The following BAIAP2 variants were observed in gnomAD, a reference collection of about 807,000 sequenced individuals.
BAIAP2 encodes the protein BAR/IMD domain-containing adapter protein 2.
A neutral mutation model predicts 63.0 loss-of-function variants in BAIAP2; 18 were observed. The ratio of observed to expected loss-of-function variants is 0.29; its 90% confidence interval spans 0.20 to 0.42. BAIAP2 has a LOEUF of 0.42. Among genes scored for constraint, BAIAP2 ranks in the 10% least tolerant of loss-of-function variants. BAIAP2 has a pLI of 1.00. For synonymous variants in BAIAP2, 386 were observed against 307.6 expected, an observed-to-expected ratio of 1.25 and a Z score of -2.67; for missense variants, 610 against 734.3, an observed-to-expected ratio of 0.83 and a Z score of 1.96.
intron 3 of BAIAP2, among the ~76,000 whole-genome samples, chr17:81,072,294 G>A (rs1181068873): frequency 6.6e-6 from 1 of 152,216 alleles, no homozygotes; most frequent in Non-Finnish European, 1.5e-5. Context: ...ATTCCCTCCG[G>A]CTTCCTGCTC....
rs766616366 is a variant in BAIAP2, at chr17:81,108,467, GC to G, written c.1501-3del. ...CCCGGCCTGACATGTTTCTGCCTCT[GC>G]CCCCAGGGCCTGGATGACTATGGAG... is the stretch of plus-strand genomic sequence containing the variant. On this transcript the variant is annotated splice_polypyrimidine_tract_variant and splice_region_variant and intron_variant, in intron 12 of 13. Coordinates refer to ENST00000428708, the MANE Select transcript of BAIAP2 (RefSeq NM_001144888.2). The G allele has an allele frequency of 6.2e-7, 1 of 1,613,782 alleles. No homozygotes were observed. Among genetic ancestry groups the G allele is most frequent in the South Asian group, 1.1e-5 (1 of 91,090 alleles).
At chr17:81,074,126 G>A (rs2053202736) in intron 3 of BAIAP2, among the ~76,000 whole-genome samples, 1 of 152,258 alleles carries the variant, frequency 6.6e-6, no homozygotes, top group African/African-American at 2.4e-5. Flanking sequence ...GGATGCGTCT[G>A]TGGTAACCTT....
At chr17:81,106,613 C>G (rs2059213603) in intron 11 of BAIAP2, 132 bp from the exon 12 acceptor site, 1 of 1,070,622 alleles carries the variant, frequency 9.3e-7, no homozygotes, top group African/African-American at 1.6e-5. Flanking sequence ...AGGGCTGCCG[C>G]CTTGGCCTGA....
intron 6 of BAIAP2, among the ~76,000 whole-genome samples, chr17:81,091,372 C>T (rs1410376451): frequency 4.6e-5 from 7 of 152,114 alleles, no homozygotes; most frequent in South Asian, 4.1e-4. Context: ...ATTCCTAAAG[C>T]GGTTGGTTGC....
intron 3 of BAIAP2, among the ~76,000 whole-genome samples, chr17:81,066,938 G>T (rs1041387903): frequency 1.3e-5 from 2 of 152,224 alleles, no homozygotes; most frequent in Non-Finnish European, 2.9e-5. Flanking sequence ...GCAGGGCCTT[G>T]CCTTGTAGGC....
intron 1 of BAIAP2, among the ~76,000 whole-genome samples, chr17:81,036,369 T>C (rs1289963198): frequency 2.6e-5 from 4 of 152,146 alleles, no homozygotes; most frequent in African/African-American, 4.8e-5. Context: ...CAGTCGCTGG[T>C]TCATGTTTCC....
chr17:81,096,770 C>T (rs1281337489), intron 6 of BAIAP2, among the ~76,000 whole-genome samples: 1 of 152,260 alleles, frequency 6.6e-6, no homozygotes, highest in Non-Finnish European at 1.5e-5. Context: ...ATGCCCTCCC[C>T]AGGCCCCAGG....
At chr17:81,085,110 C>T in intron 4 of BAIAP2, 1 of 592,206 alleles carries the variant, frequency 1.7e-6, no homozygotes, top group Admixed American at 2.8e-5. Context: ...TCACTGGCTG[C>T]AGTGGCAGCC....
intron 3 of BAIAP2, among the ~76,000 whole-genome samples, chr17:81,080,316 C>T (rs1274726764): frequency 6.6e-6 from 1 of 152,252 alleles, no homozygotes; most frequent in African/African-American, 2.4e-5. Context: ...CCTGCAGCTG[C>T]CTGTAAGGTG....
chr17:81,062,431 G>C lies in BAIAP2; in HGVS notation c.217+4464G>C, dbSNP rs889628153. Among the ~76,000 whole-genome samples, 4 of 151,918 alleles carry C rather than the reference G, an allele frequency of 2.6e-5. No homozygotes were observed. In the South Asian group the frequency reaches 6.2e-4, roughly 24 times the overall value. ...GGAGTTAATAATGGTCTCGCGTCTT[G>C]GTTCGCTTCATTTTCAATGCGCCAT... On this transcript the variant is annotated intron_variant, in intron 3 of 13. Coordinates refer to ENST00000428708, the MANE Select transcript of BAIAP2 (RefSeq NM_001144888.2).
chr17:81,037,911 G>A (rs1002584695), intron 1 of BAIAP2, among the ~76,000 whole-genome samples: 2 of 152,282 alleles, frequency 1.3e-5, no homozygotes, highest in African/African-American at 4.8e-5. Flanking sequence ...AATCCGTAAC[G>A]CAGACTTTGA....
intron 1 of BAIAP2, among the ~76,000 whole-genome samples, chr17:81,047,473 G>A (rs879766081): frequency 1.3e-5 from 2 of 152,246 alleles, no homozygotes; most frequent in Non-Finnish European, 2.9e-5. Context: ...GCCACACACA[G>A]ACACATGTAG....
intron 1 of BAIAP2, among the ~76,000 whole-genome samples, chr17:81,038,900 T>TG (rs886695516): frequency 8.9e-4 from 7 of 7,872 alleles, no homozygotes; most frequent in East Asian, 0.014. Flanking sequence ...CCTTCCTGGG[T>TG]GGGGGGGGCA....
intron 3 of BAIAP2, among the ~76,000 whole-genome samples, chr17:81,084,614 T>G (rs2055241417): frequency 6.6e-6 from 1 of 152,190 alleles, no homozygotes; most frequent in African/African-American, 2.4e-5. Context: ...ATGCCAGGCG[T>G]GCTGTGCATT....
intron 7 of BAIAP2, among the ~76,000 whole-genome samples, chr17:81,102,976 G>A (rs4969386): frequency 0.13 from 19,298 of 152,246 alleles, 1,569 homozygotes; most frequent in Admixed American, 0.27. Context: ...GTGCTCAGCT[G>A]GTCTGTGTCC....
chr17:81,105,238 C>G (rs534075211), intron 10 of BAIAP2: 2 of 164,752 alleles, frequency 1.2e-5, no homozygotes, highest in East Asian at 1.9e-4. Flanking sequence ...TGGCTGGGGT[C>G]TTTCACCACA....
intron 1 of BAIAP2, among the ~76,000 whole-genome samples, chr17:81,043,204 C>T (rs924620485): frequency 4.3e-4 from 65 of 152,164 alleles, no homozygotes; most frequent in African/African-American, 1.3e-3. Flanking sequence ...TGGTGGAGGC[C>T]GAGATGCCAC....
chr17:81,096,883 C>T (rs1323732884), intron 6 of BAIAP2, among the ~76,000 whole-genome samples: 2 of 152,212 alleles, frequency 1.3e-5, no homozygotes, highest in East Asian at 3.8e-4. Flanking sequence ...CTGGTAGGTG[C>T]ATGTTGCATA....
intron 3 of BAIAP2, among the ~76,000 whole-genome samples, chr17:81,068,129 G>A (rs1464880161): frequency 1.3e-5 from 2 of 152,236 alleles, no homozygotes; most frequent in African/African-American, 2.4e-5. Flanking sequence ...GGGTGGGCAC[G>A]TCAGGCCTGG....
Sources: gnomAD v4.1 joint callset for allele counts (sites outside exome capture counted in the v4.1 genomes callset) on GRCh38, gnomAD v4.1.1 for gene constraint, MANE v1.5 for transcripts, NCBI Gene and HGNC (gene_info 2026-07-23, HGNC 2026-07-21) for gene names.